The following STARD13 variants were observed in gnomAD, a reference collection of about 807,000 sequenced individuals.
STARD13 encodes StAR related lipid transfer domain containing 13.
In STARD13, 62 loss-of-function variants were observed where a neutral mutation model predicts 106.4. That is an observed-to-expected ratio of 0.58 (90% confidence interval 0.48 to 0.72). The LOEUF (loss-of-function observed/expected upper bound fraction) is 0.72, where lower values mean the gene tolerates loss of function less well. Among genes scored for constraint, STARD13 ranks in the 30% least tolerant of loss-of-function variants. The pLI is 0.00. For synonymous variants in STARD13, 565 were observed against 553.0 expected (o/e 1.02, Z -0.31); for missense variants, 1,387 against 1,424.0 (o/e 0.97, Z 0.42).
At chr13:33,179,074 C>A (rs917183776) in intron 1 of STARD13, among the ~76,000 whole-genome samples, 1 of 152,168 alleles carries the variant, frequency 6.6e-6, no homozygotes, top group African/African-American at 2.4e-5. Flanking sequence ...TTGTTCTTAA[C>A]CAATGGCATA....
the STARD13 span, among the ~76,000 whole-genome samples, chr13:33,424,531 T>C: frequency 3.3e-5 from 5 of 152,162 alleles, no homozygotes; most frequent in Admixed American, 6.5e-5. Flanking sequence ...AGTGACCAAG[T>C]AGGGGTTCAA....
intron 1 of STARD13, among the ~76,000 whole-genome samples, chr13:33,208,331 G>A (rs1018774790): frequency 6.6e-6 from 1 of 152,160 alleles, no homozygotes; most frequent in Admixed American, 6.5e-5. Flanking sequence ...GAGGACCCAG[G>A]AGAGAGAAGG....
chr13:33,542,034 G>C, the STARD13 span, among the ~76,000 whole-genome samples: 1 of 147,282 alleles, frequency 6.8e-6, no homozygotes, highest in Non-Finnish European at 1.5e-5. Flanking sequence ...ATATAAAACT[G>C]TGTATCGACA....
intron 1 of STARD13, among the ~76,000 whole-genome samples, chr13:33,330,790 G>A (rs924197526): frequency 6.6e-6 from 1 of 152,164 alleles, no homozygotes; most frequent in African/African-American, 2.4e-5. Context: ...CCGAGGCTTG[G>A]AGTGAAGACG....
intron 1 of STARD13, among the ~76,000 whole-genome samples, chr13:33,299,820 C>T (rs1231670550): frequency 6.6e-6 from 1 of 152,196 alleles, no homozygotes; most frequent in African/African-American, 2.4e-5. Flanking sequence ...ATGCATAAAA[C>T]AGACATCATC....
At chr13:33,481,886 G>A in the STARD13 span, among the ~76,000 whole-genome samples, 1 of 151,888 alleles carries the variant, frequency 6.6e-6, no homozygotes, top group Non-Finnish European at 1.5e-5. Flanking sequence ...GGGAGGCTGA[G>A]GCAGGAGAAC....
intron 1 of STARD13, among the ~76,000 whole-genome samples, chr13:33,226,241 T>G (rs1888618112): frequency 6.6e-6 from 1 of 152,206 alleles, no homozygotes; most frequent in Admixed American, 6.5e-5. Flanking sequence ...TAATGCAAGC[T>G]CCAAGCAGTT....
chr13:33,644,783 G>T, the STARD13 span, among the ~76,000 whole-genome samples: 2 of 152,176 alleles, frequency 1.3e-5, no homozygotes, highest in Non-Finnish European at 2.9e-5. Flanking sequence ...CTCCTGAAAT[G>T]CTCCACTCCC....
intron 1 of STARD13, among the ~76,000 whole-genome samples, chr13:33,186,499 T>C (rs907014959): frequency 2.0e-5 from 3 of 152,328 alleles, no homozygotes; most frequent in Middle Eastern, 3.4e-3. Context: ...CATTCCACAG[T>C]TGACTAAAAG....
chr13:33,487,849 AC>A, the STARD13 span, among the ~76,000 whole-genome samples: 2 of 152,082 alleles, frequency 1.3e-5, no homozygotes, highest in African/African-American at 4.8e-5. Flanking sequence ...TCACTTCTTC[AC>A]CTTTTGCAAT....
chr13:33,353,328 G>A (rs1396276912), upstream of STARD13, among the ~76,000 whole-genome samples: 2 of 152,082 alleles, frequency 1.3e-5, no homozygotes, highest in African/African-American at 2.4e-5. Flanking sequence ...TAATCATCTG[G>A]TTGCTAAATC....
At chr13:33,509,501 C>T in the STARD13 span, among the ~76,000 whole-genome samples, 2 of 152,296 alleles carry the variant, frequency 1.3e-5, no homozygotes, top group African/African-American at 4.8e-5. Context: ...AAAGCCATCC[C>T]TAGGAATTCC....
At chr13:33,671,755 ATAAT>A in the STARD13 span, among the ~76,000 whole-genome samples, 4 of 152,216 alleles carry the variant, frequency 2.6e-5, no homozygotes, top group African/African-American at 9.6e-5. Flanking sequence ...ATACAATTAA[ATAAT>A]TAAATAAATA....
the STARD13 span, among the ~76,000 whole-genome samples, chr13:33,401,799 T>C: frequency 2.0e-5 from 3 of 152,270 alleles, no homozygotes; most frequent in Admixed American, 6.5e-5. Context: ...TTATCTTTCA[T>C]GGCCAACAAG....
chr13:33,252,062 T>A (rs1890117847), intron 1 of STARD13, among the ~76,000 whole-genome samples: 1 of 152,236 alleles, frequency 6.6e-6, no homozygotes, highest in African/African-American at 2.4e-5. Flanking sequence ...CTCCTATCAT[T>A]ACTACATTAA....
chr13:33,610,579 C>T, the STARD13 span, among the ~76,000 whole-genome samples: 3 of 152,224 alleles, frequency 2.0e-5, no homozygotes, highest in Admixed American at 1.3e-4. Context: ...GTATCACCAG[C>T]AGTGGGCCAG....
the STARD13 span, among the ~76,000 whole-genome samples, chr13:33,618,026 C>T: frequency 2.0e-5 from 3 of 152,092 alleles, no homozygotes; most frequent in Non-Finnish European, 2.9e-5. Flanking sequence ...AAAGATGCAA[C>T]AGCAAAGTTT....
chr13:33,145,902 C>T (rs909486366), intron 3 of STARD13, among the ~76,000 whole-genome samples: 2 of 152,264 alleles, frequency 1.3e-5, no homozygotes, highest in East Asian at 1.9e-4. Flanking sequence ...TTCTGTGTCA[C>T]GGCTGGGCAT....
intron 1 of STARD13, among the ~76,000 whole-genome samples, chr13:33,173,016 A>G (rs902800468): frequency 1.1e-4 from 17 of 152,004 alleles, no homozygotes; most frequent in African/African-American, 3.4e-4. Flanking sequence ...AGGCTTGAGT[A>G]GAGTGTTTTG....
Sources: gnomAD v4.1 joint callset for allele counts (sites outside exome capture counted in the v4.1 genomes callset) on GRCh38, gnomAD v4.1.1 for gene constraint, MANE v1.5 for transcripts, NCBI Gene and HGNC (gene_info 2026-07-23, HGNC 2026-07-21) for gene names.